The following PEX5L variants were observed in gnomAD, a reference collection of about 807,000 sequenced individuals.
PEX5L encodes PEX5-related protein.
Under a neutral mutation model 84.0 loss-of-function variants are expected in PEX5L, and 30 were observed. The observed-to-expected ratio is 0.36, with a 90% confidence interval of 0.27 to 0.48. The LOEUF is 0.48. Ranked by LOEUF, PEX5L falls within the 20% of genes least tolerant of loss-of-function variation. The probability of loss-of-function intolerance (pLI) is 0.99; values close to 1 mark genes in which losing one functional copy is unlikely to be tolerated. For missense variants in PEX5L, 533 were observed against 754.6 expected (o/e 0.71, Z 3.44); for synonymous variants, 270 against 283.1 (o/e 0.95, Z 0.46).
intron 14 of PEX5L, among the ~76,000 whole-genome samples, chr3:179,802,550 A>AAAAAAAAAAAAG (rs1553813985): frequency 7.6e-6 from 1 of 131,556 alleles, no homozygotes; most frequent in Non-Finnish European, 1.6e-5. Context: ...AAAAAAAAAA[A>AAAAAAAAAAAAG]AAAAGAAAAG....
intron 8 of PEX5L, among the ~76,000 whole-genome samples, chr3:179,842,438 T>C (rs1737657330): frequency 6.6e-6 from 1 of 152,152 alleles, no homozygotes; most frequent in Non-Finnish European, 1.5e-5. Context: ...TAATAAAAAT[T>C]TTAAAAGAGG....
intron 2 of PEX5L, among the ~76,000 whole-genome samples, chr3:179,969,190 C>T (rs1451581101): frequency 6.6e-6 from 1 of 151,992 alleles, no homozygotes; most frequent in African/African-American, 2.4e-5. Context: ...TTTTATTTAT[C>T]CTCTTTAGAT....
At chr3:179,942,017 C>CAAAAAAAAAAAA (rs11447396) in intron 2 of PEX5L, among the ~76,000 whole-genome samples, 2 of 89,244 alleles carry the variant, frequency 2.2e-5, no homozygotes, top group Non-Finnish European at 4.1e-5. Context: ...TGAGACTCCT[C>CAAAAAAAAAAAA]AAAAAAAAAA....
intron 8 of PEX5L, among the ~76,000 whole-genome samples, chr3:179,854,025 C>T (rs1342947046): frequency 7.0e-6 from 1 of 142,308 alleles, no homozygotes; most frequent in Non-Finnish European, 1.6e-5. Context: ...GTTGCCCAGG[C>T]TGGTCTCAAA....
In PEX5L at chr3:179,912,480, C is replaced by CT. The variant is rs1203804010; in HGVS notation, c.94-14235dup. Among the ~76,000 whole-genome samples the CT allele has an allele frequency of 2.0e-5, 3 of 151,942 alleles. No homozygotes were observed. The East Asian group carries it at 5.8e-4, about 29-fold the overall frequency. On this transcript the variant is annotated intron_variant, in intron 2 of 14. Transcript: ENST00000467460. ...ATGTTATATGTACAAAAAATTAATC[C>CT]TTTAAGTTTAAGATCCTAGTTATTC... is the stretch of plus-strand genomic sequence containing the variant.
At chr3:179,859,324 A>G (rs981512076) in intron 7 of PEX5L, among the ~76,000 whole-genome samples, 167 bp from the exon 8 acceptor site, 8 of 152,178 alleles carry the variant, frequency 5.3e-5, no homozygotes, top group Non-Finnish European at 7.4e-5. Flanking sequence ...CTAAACTGAG[A>G]TGCTGTCAAA....
At chr3:179,904,882 C>A (rs1762612990) in intron 2 of PEX5L, among the ~76,000 whole-genome samples, 1 of 152,046 alleles carries the variant, frequency 6.6e-6, no homozygotes. Flanking sequence ...GAGTGGCTGT[C>A]CTGGTTGTCT....
intron 1 of PEX5L, among the ~76,000 whole-genome samples, chr3:179,982,499 T>C (rs888793603): frequency 5.3e-5 from 8 of 152,196 alleles, no homozygotes; most frequent in African/African-American, 1.9e-4. Context: ...ATTAGGGAAA[T>C]TGCCAGAAAA....
chr3:179,900,570 A>G (rs1238553651), intron 2 of PEX5L: 1 of 783,240 alleles, frequency 1.3e-6, no homozygotes, highest in Non-Finnish European at 2.1e-6. Context: ...AACAAAAATT[A>G]GTCCTTTCAT....
At chr3:180,008,109 C>T (rs1400966737) in intron 1 of PEX5L, among the ~76,000 whole-genome samples, 1 of 152,214 alleles carries the variant, frequency 6.6e-6, no homozygotes, top group Non-Finnish European at 1.5e-5. Context: ...CCTTATAAAA[C>T]TTGATGACTT....
intron 8 of PEX5L, among the ~76,000 whole-genome samples, chr3:179,848,152 A>G (rs923045470): frequency 1.3e-5 from 2 of 152,136 alleles, no homozygotes; most frequent in African/African-American, 4.8e-5. Flanking sequence ...GCTACAGAAA[A>G]TTTTATAGAA....
intron 1 of PEX5L, among the ~76,000 whole-genome samples, chr3:179,981,382 G>A (rs769488948): frequency 1.3e-5 from 2 of 152,188 alleles, no homozygotes; most frequent in Non-Finnish European, 2.9e-5. Flanking sequence ...AAGGAAGGCT[G>A]GAGTCAAAGA....
At chr3:179,900,846 C>G (rs1265636652) in intron 2 of PEX5L, 2 of 689,534 alleles carry the variant, frequency 2.9e-6, no homozygotes, top group East Asian at 5.5e-5. Context: ...TTTACAAGTG[C>G]GGTACAGTCT....
At chr3:179,887,272 G>A (rs1483098122) in intron 4 of PEX5L, among the ~76,000 whole-genome samples, 1 of 152,156 alleles carries the variant, frequency 6.6e-6, no homozygotes, top group Non-Finnish European at 1.5e-5. Context: ...ACTTGAAAAG[G>A]TTGCCACATT....
In PEX5L at chr3:179,827,098, C is replaced by T. The variant is rs1401191630; in HGVS notation, c.823-7122G>A. On this transcript the variant is annotated intron_variant, in intron 8 of 14. Coordinates refer to ENST00000467460, the MANE Select transcript of PEX5L (RefSeq NM_016559.3). The stretch of plus-strand genomic sequence containing the variant: ...TTTCTTTGACAGTCGATTGCTTCTT[C>T]CCCAAATGGCTACAGCAGTTTTTCT... 2.6e-5 allele frequency among the ~76,000 whole-genome samples: 4 copies of T among 152,318 alleles called. No individual in the cohort carries two copies. The South Asian group carries it at 8.3e-4, about 32-fold the overall frequency.
rs187921276 is a variant in PEX5L, at chr3:179,868,897, C to T, written c.726+5430G>A. 7.3e-5 allele frequency among the ~76,000 whole-genome samples: 11 copies of T among 151,374 alleles called. No homozygotes were observed. The East Asian group carries it at 1.3e-3, about 19-fold the overall frequency. ...GTACCTCACTGGGGGGTTGGGTCTT[C>T]GTTCCGAGGGCTCCTGTGTATACAC... On this transcript the variant is annotated intron_variant, in intron 7 of 14. Coordinates refer to ENST00000467460, the MANE Select transcript of PEX5L (RefSeq NM_016559.3).
intron 1 of PEX5L, among the ~76,000 whole-genome samples, chr3:180,033,972 T>A (rs1791677025): frequency 6.6e-6 from 1 of 152,234 alleles, no homozygotes; most frequent in Non-Finnish European, 1.5e-5. Flanking sequence ...TTTTTAAAAG[T>A]CTGCGGTTTC....
At chr3:179,964,654 T>G (rs988952615) in intron 2 of PEX5L, among the ~76,000 whole-genome samples, 4 of 152,132 alleles carry the variant, frequency 2.6e-5, no homozygotes, top group African/African-American at 9.7e-5. Context: ...GAATAGACAC[T>G]TTTTAAAAGA....
At chr3:179,872,709 C>T (rs200283483) in intron 7 of PEX5L, among the ~76,000 whole-genome samples, 1 of 152,258 alleles carries the variant, frequency 6.6e-6, no homozygotes, top group South Asian at 2.1e-4. Flanking sequence ...TGTAGAACAG[C>T]CCACCTGTGC....
Sources: allele counts gnomAD v4.1 joint callset (sites outside exome capture counted in the v4.1 genomes callset), GRCh38; gene constraint gnomAD v4.1.1; transcripts MANE v1.5; gene names NCBI Gene and HGNC (gene_info 2026-07-23, HGNC 2026-07-21).